Variants in CALN1 observed in about 807,000 individuals in gnomAD.
CALN1 encodes calneuron 1, also known as calcium-binding protein 8.
CALN1 carries 17 observed loss-of-function variants against 30.6 expected under a neutral mutation model. The ratio of observed to expected loss-of-function variants is 0.56; its 90% CI spans 0.38 to 0.83. The LOEUF (loss-of-function observed/expected upper bound fraction) is 0.83. Ranked by LOEUF, CALN1 falls within the 40% of genes least tolerant of loss-of-function variation. CALN1 has a pLI of 0.00. For missense variants in CALN1, 291 were observed against 354.9 expected, an observed-to-expected ratio of 0.82 and a Z score of 1.45; for synonymous variants, 156 against 131.4, an observed-to-expected ratio of 1.19 and a Z score of -1.28.
intron 2 of CALN1, among the ~76,000 whole-genome samples, chr7:72,401,042 G>A (rs1277609393): frequency 1.3e-5 from 2 of 152,190 alleles, no homozygotes; most frequent in Non-Finnish European, 1.5e-5. Flanking sequence ...GCATGCTTTG[G>A]GGTGAGAGGA....
intron 2 of CALN1, among the ~76,000 whole-genome samples, chr7:72,392,835 T>TA (rs11413695): frequency 0.53 from 79,245 of 149,770 alleles, 21,345 homozygotes; most frequent in East Asian, 0.71. Context: ...CCTGTTTCAT[T>TA]AAAAAAAAAA....
At chr7:71,943,400 T>C (rs1210599807) in intron 5 of CALN1, among the ~76,000 whole-genome samples, 3 of 152,166 alleles carry the variant, frequency 2.0e-5, no homozygotes, top group Non-Finnish European at 4.4e-5. Flanking sequence ...ACTTCACATA[T>C]CCATGCCTCT....
chr7:72,468,901 C>CA, the CALN1 span, among the ~76,000 whole-genome samples: 3 of 152,060 alleles, frequency 2.0e-5, no homozygotes, highest in African/African-American at 7.2e-5. Context: ...TTTTTAAATT[C>CA]AGTTGTCTTT....
At chr7:72,393,755 TTTTTTC>T (rs1805738861) in intron 2 of CALN1, among the ~76,000 whole-genome samples, 1 of 150,608 alleles carries the variant, frequency 6.6e-6, no homozygotes, top group African/African-American at 2.4e-5. Context: ...TTTTTTTTTT[TTTTTTC>T]TATTTTGAGA....
chr7:72,297,699 C>G (rs937545027), intron 2 of CALN1, among the ~76,000 whole-genome samples: 3 of 152,132 alleles, frequency 2.0e-5, no homozygotes, highest in African/African-American at 7.2e-5. Flanking sequence ...AATACACCTC[C>G]GTAAGAGACA....
At chr7:72,321,616 A>G (rs1377610145) in intron 2 of CALN1, among the ~76,000 whole-genome samples, 1 of 152,238 alleles carries the variant, frequency 6.6e-6, no homozygotes, top group Non-Finnish European at 1.5e-5. Context: ...CTGCAGAAGC[A>G]AAGAATTTCA....
chr7:72,404,009 G>A (rs1806530886), intron 1 of CALN1, among the ~76,000 whole-genome samples: 1 of 152,094 alleles, frequency 6.6e-6, no homozygotes, highest in African/African-American at 2.4e-5. Context: ...CTCCAGGGCA[G>A]ACCTGCAACC....
intron 5 of CALN1, among the ~76,000 whole-genome samples, chr7:71,847,146 C>T (rs1391851522): frequency 2.0e-5 from 3 of 151,734 alleles, no homozygotes; most frequent in African/African-American, 7.3e-5. Context: ...AGTCTCTTCT[C>T]TTGGTGAATT....
the CALN1 span, among the ~76,000 whole-genome samples, chr7:72,480,341 A>C: frequency 6.6e-6 from 1 of 152,206 alleles, no homozygotes; most frequent in East Asian, 1.9e-4. Flanking sequence ...CCAACCCTTC[A>C]TTCTTGGGAT....
chr7:72,395,376 CAT>C (rs1554399308), intron 2 of CALN1, among the ~76,000 whole-genome samples: 15 of 151,890 alleles, frequency 9.9e-5, no homozygotes, highest in Admixed American at 5.9e-4. Flanking sequence ...CACACACACA[CAT>C]ATCCAGGGTT....
intron 3 of CALN1, among the ~76,000 whole-genome samples, chr7:72,115,879 CTCTT>C (rs1470712626): frequency 6.6e-6 from 1 of 151,924 alleles, no homozygotes; most frequent in Non-Finnish European, 1.5e-5. Context: ...TCATGAGATC[CTCTT>C]TTTTTAGCTC....
In CALN1 at chr7:71,890,852, T is replaced by G. The variant is rs191934519; in HGVS notation, c.502-80360A>C. 7.0e-3 allele frequency among the ~76,000 whole-genome samples: 1,050 copies of G among 151,018 alleles called. 16 individuals are homozygous for G. The highest frequency in any genetic ancestry group is 0.025 in the African/African-American group (1,019 of 41,090). On this transcript the variant is annotated intron_variant, in intron 5 of 6. Transcript: ENST00000395275. ...CCGGAAACTCCCCAGGTTCAGATGA[T>G]CCTCCCACTTCAGCCTCCTGAGTAG... is the stretch of plus-strand genomic sequence containing the variant.
At chr7:71,966,892 G>C (rs1267538637) in intron 5 of CALN1, among the ~76,000 whole-genome samples, 1 of 152,148 alleles carries the variant, frequency 6.6e-6, no homozygotes, top group African/African-American at 2.4e-5. Flanking sequence ...CCCAAATGAA[G>C]AGGCTTTCTC....
intron 3 of CALN1, among the ~76,000 whole-genome samples, chr7:72,142,752 G>A (rs759350902): frequency 4.6e-5 from 7 of 152,104 alleles, no homozygotes; most frequent in African/African-American, 1.4e-4. Context: ...CACCTCACAC[G>A]GCTGGGTACC....
Position 71,945,087 on chromosome 7 carries a change from C to T in CALN1, c.501+78570G>A, listed in dbSNP as rs1003670687. On this transcript the variant is annotated intron_variant, in intron 5 of 6. Transcript: ENST00000395275. ...CCCCACAGTAATAAGTAGGTTCTCA[C>T]TCTATTAGCTCAAAGGAGAGCTGGC... Among the ~76,000 whole-genome samples, 6 of 152,154 alleles carry T rather than the reference C, an allele frequency of 3.9e-5. No homozygotes were observed. The South Asian group carries it at 1.2e-3, about 32-fold the overall frequency.
At chr7:71,846,192 G>A (rs1008044114) in intron 5 of CALN1, among the ~76,000 whole-genome samples, 13 of 152,112 alleles carry the variant, frequency 8.5e-5, no homozygotes, top group African/African-American at 2.2e-4. Context: ...ACAAAGAATC[G>A]CCCTATGAAG....
At chr7:71,942,851 AC>A (rs1796207315) in intron 5 of CALN1, among the ~76,000 whole-genome samples, 1 of 151,878 alleles carries the variant, frequency 6.6e-6, no homozygotes, top group African/African-American at 2.4e-5. Flanking sequence ...ATTCAAAGTC[AC>A]CCCTCTCTGC....
At chr7:72,355,474 C>T (rs182055970) in intron 2 of CALN1, among the ~76,000 whole-genome samples, 6 of 152,118 alleles carry the variant, frequency 3.9e-5, no homozygotes, top group South Asian at 2.1e-4. Context: ...GGCAGTGAGC[C>T]GGGATTACAC....
chr7:71,831,752 T>C (rs1258466614), intron 5 of CALN1, among the ~76,000 whole-genome samples: 1 of 150,180 alleles, frequency 6.7e-6, no homozygotes, highest in Non-Finnish European at 1.5e-5. Context: ...CCGGGTGCAG[T>C]GTGGCAGCAC....
Sources: gnomAD v4.1 joint callset for allele counts (sites outside exome capture counted in the v4.1 genomes callset) on GRCh38, gnomAD v4.1.1 for gene constraint, MANE v1.5 for transcripts, NCBI Gene and HGNC (gene_info 2026-07-23, HGNC 2026-07-21) for gene names.